The following CASD1 variants were observed in gnomAD, a reference collection of about 807,000 sequenced individuals.
CASD1 encodes N-acetylneuraminate (7)9-O-acetyltransferase.
CASD1 carries 41 observed loss-of-function variants against 100.0 expected under a neutral mutation model. The observed-to-expected ratio is 0.41, with a 90% CI of 0.32 to 0.53. CASD1 has a LOEUF of 0.53. CASD1 is among the 20% of genes least tolerant of loss of function. CASD1 has a pLI of 0.25. For synonymous variants in CASD1, 321 were observed against 315.6 expected (o/e 1.02, Z -0.18); for missense variants, 774 against 948.7 (o/e 0.82, Z 2.42).
the CASD1 span, among the ~76,000 whole-genome samples, chr7:94,595,780 T>C: frequency 6.6e-6 from 1 of 152,116 alleles, no homozygotes; most frequent in Non-Finnish European, 1.5e-5. Context: ...TTATCTGGCA[T>C]GGCTGGAAAA....
chr7:94,629,858 A>G, the CASD1 span: 1 of 1,609,758 alleles, frequency 6.2e-7, no homozygotes, highest in African/African-American at 1.3e-5. Context: ...ACAAAGAGGA[A>G]AGATAAGTGA....
chr7:94,551,196 C>T (rs977533063), intron 14 of CASD1, 142 bp from the exon 15 acceptor site: 3 of 496,642 alleles, frequency 6.0e-6, no homozygotes, highest in Non-Finnish European at 1.0e-5. Flanking sequence ...TGAAGTTTCA[C>T]TCTTGAAGTC....
At chr7:94,551,196 C>A in intron 14 of CASD1, 142 bp from the exon 15 acceptor site, 1 of 496,760 alleles carries the variant, frequency 2.0e-6, no homozygotes. Context: ...TGAAGTTTCA[C>A]TCTTGAAGTC....
the CASD1 span, among the ~76,000 whole-genome samples, chr7:94,577,766 G>C: frequency 6.6e-6 from 1 of 152,262 alleles, no homozygotes; most frequent in East Asian, 1.9e-4. Flanking sequence ...TAAATTGCCT[G>C]TGTTTTCAAA....
intron 1 of CASD1, among the ~76,000 whole-genome samples, chr7:94,514,775 TTG>T (rs374520322): frequency 3.3e-5 from 5 of 151,732 alleles, no homozygotes; most frequent in African/African-American, 9.6e-5. Context: ...CTTAGTTTCT[TTG>T]TGTGTGTGTG....
the CASD1 span, chr7:94,603,512 A>G: frequency 4.7e-6 from 7 of 1,501,028 alleles, no homozygotes; most frequent in East Asian, 4.6e-5. Flanking sequence ...CTAAAAAACA[A>G]TCCACCTTAA....
chr7:94,595,824 T>G, the CASD1 span, among the ~76,000 whole-genome samples: 1 of 151,994 alleles, frequency 6.6e-6, no homozygotes, highest in African/African-American at 2.4e-5. Context: ...TTATAGGGAG[T>G]TACCATAGAG....
the CASD1 span, among the ~76,000 whole-genome samples, chr7:94,584,499 A>G: frequency 6.6e-6 from 1 of 152,370 alleles, no homozygotes; most frequent in East Asian, 1.9e-4. Flanking sequence ...TGTCAATGAT[A>G]TGACAGAGTA....
the CASD1 span, chr7:94,624,237 G>A: frequency 6.6e-5 from 26 of 396,010 alleles, no homozygotes; most frequent in Non-Finnish European, 1.0e-4. Context: ...AATGATTGCA[G>A]CTGGAGGTGA....
chr7:94,587,927 A>G, the CASD1 span: 3 of 1,442,428 alleles, frequency 2.1e-6, no homozygotes, highest in Non-Finnish European at 2.7e-6. Context: ...CCCTACCACA[A>G]TGCCGCTATT....
the CASD1 span, chr7:94,598,016 A>AC: frequency 5.8e-6 from 1 of 173,806 alleles, no homozygotes; most frequent in African/African-American, 2.4e-5. Context: ...TTAAAAAAAA[A>AC]AAAGAAAAAA....
chr7:94,535,679 T>C (rs1029191628), intron 8 of CASD1, among the ~76,000 whole-genome samples, 156 bp downstream of exon 8: 1 of 152,214 alleles, frequency 6.6e-6, no homozygotes, highest in Non-Finnish European at 1.5e-5. Flanking sequence ...ATTATTTTGC[T>C]TTCTATCATC....
At chr7:94,600,350 T>C in the CASD1 span, 1 of 354,018 alleles carries the variant, frequency 2.8e-6, no homozygotes, top group Non-Finnish European at 5.2e-6. Flanking sequence ...TCATGCAAGA[T>C]GGCTTGTATA....
At chr7:94,594,267 T>A in the CASD1 span, among the ~76,000 whole-genome samples, 1 of 152,116 alleles carries the variant, frequency 6.6e-6, no homozygotes, top group East Asian at 1.9e-4. Context: ...TACTTTACAA[T>A]GTGATTTCCA....
chr7:94,548,618 A>G (rs1430810183), intron 13 of CASD1, among the ~76,000 whole-genome samples: 1 of 151,856 alleles, frequency 6.6e-6, no homozygotes, highest in Non-Finnish European at 1.5e-5. Flanking sequence ...TTTTATTAAA[A>G]TAATATTATA....
At position 94,545,590 on chromosome 7, in the gene CASD1, A is replaced by G; in HGVS notation, c.1522A>G (p.Met508Val). Reference sequence around the variant, plus strand: ...CCTGGTAGTGGTGTTATGTATAGTAATGGATCGACCTTATCAATTCTATTA... The same window carrying G: ...CCTGGTAGTGGTGTTATGTATAGTAGTGGATCGACCTTATCAATTCTATTA... ...NFLVVVLCIV[M>V]DRPYQFYYFV... Residue 508 changes from methionine to valine, a missense_variant, in exon 12 of 18, where the codon ATG becomes GTG. This residue lies in a region of CASD1 where 453 missense variants were observed against 532.6 expected (regional missense o/e 0.85). Coordinates refer to ENST00000297273, the MANE Select transcript of CASD1 (RefSeq NM_022900.5). 1.5e-5 allele frequency: 24 copies of G among 1,609,896 alleles called. No homozygotes were observed. The highest frequency in any genetic ancestry group is 2.0e-5 in the Non-Finnish European group (24 of 1,176,600).
At chr7:94,582,438 G>GT in the CASD1 span, among the ~76,000 whole-genome samples, 4 of 151,994 alleles carry the variant, frequency 2.6e-5, no homozygotes, top group Admixed American at 2.6e-4. Context: ...TTTTTCATAT[G>GT]TTTTTTGGCA....
At chr7:94,629,887 G>A in the CASD1 span, 90 of 1,605,106 alleles carry the variant, frequency 5.6e-5, no homozygotes, top group Non-Finnish European at 7.6e-5. Context: ...CAAATAATGA[G>A]ATACGCCCTT....
the CASD1 span, among the ~76,000 whole-genome samples, chr7:94,566,791 T>C: frequency 2.6e-5 from 4 of 152,296 alleles, no homozygotes; most frequent in African/African-American, 9.6e-5. Context: ...CTGTGCTATA[T>C]GGAGCAGAAA....
Sources: gnomAD v4.1 joint callset for allele counts (sites outside exome capture counted in the v4.1 genomes callset) on GRCh38, gnomAD v4.1.1 for gene constraint, gnomAD v4.1.1 regional missense constraint, MANE v1.5 for transcripts, NCBI Gene and HGNC (gene_info 2026-07-23, HGNC 2026-07-21) for gene names.